Variants in CALN1 observed in about 807,000 individuals in gnomAD.
CALN1 encodes calcium-binding protein 8.
Under a neutral mutation model 30.6 loss-of-function variants are expected in CALN1, and 17 were observed. The observed-to-expected ratio is 0.56, with a 90% CI of 0.38 to 0.83. The LOEUF is 0.83. Among genes scored for constraint, CALN1 ranks in the 40% least tolerant of loss-of-function variants. CALN1 has a pLI of 0.00. For missense variants in CALN1, 291 were observed against 354.9 expected, an observed-to-expected ratio of 0.82 and a Z score of 1.45; for synonymous variants, 156 against 131.4, an observed-to-expected ratio of 1.19 and a Z score of -1.28.
intron 2 of CALN1, among the ~76,000 whole-genome samples, chr7:72,331,657 T>A (rs545544491): frequency 6.6e-6 from 1 of 152,210 alleles, no homozygotes; most frequent in Non-Finnish European, 1.5e-5. Flanking sequence ...TATTTACTTA[T>A]TCATTTTATT....
At chr7:72,231,180 C>T (rs920881265) in intron 3 of CALN1, among the ~76,000 whole-genome samples, 2 of 151,648 alleles carry the variant, frequency 1.3e-5, no homozygotes, top group African/African-American at 4.9e-5. Flanking sequence ...AGGTTTGTTA[C>T]ATAGGTAAAC....
rs530862668 is a variant in CALN1 at position 71,780,429 on chromosome 7, A to G, written c.*7346T>C. The G allele has an allele frequency of 1.3e-5, 2 of 152,324 alleles. No individual in the cohort carries two copies. The highest frequency in any genetic ancestry group is 4.1e-4 in the South Asian group (2 of 4,822). 9.4% of individuals were successfully genotyped at this position (152,324 alleles called of 1,614,324 possible). A position where few individuals can be genotyped will look rare whatever the true frequency, so the allele number is the denominator to read the frequency against. On this transcript the variant is annotated 3_prime_UTR_variant, in exon 7 of 7. Transcript: ENST00000395275. Reference sequence around the variant, plus strand: ...TCTAGGGTTTTATGTTGCCTGGGGCAGAAGGGTTAGAGACTTGTGGATCCT... The same window carrying G: ...TCTAGGGTTTTATGTTGCCTGGGGCGGAAGGGTTAGAGACTTGTGGATCCT...
intron 5 of CALN1, among the ~76,000 whole-genome samples, chr7:72,018,295 A>G (rs1800512338): frequency 6.6e-6 from 1 of 152,128 alleles, no homozygotes; most frequent in African/African-American, 2.4e-5. Flanking sequence ...GGCAGGTGCA[A>G]TTAACCTGCA....
intron 2 of CALN1, among the ~76,000 whole-genome samples, chr7:72,361,469 G>A (rs1366781099): frequency 2.0e-5 from 3 of 152,146 alleles, no homozygotes; most frequent in Admixed American, 1.3e-4. Flanking sequence ...TGGCACCACT[G>A]CACTCCAGCC....
At chr7:72,014,456 A>G (rs1800267479) in intron 5 of CALN1, among the ~76,000 whole-genome samples, 2 of 152,168 alleles carry the variant, frequency 1.3e-5, no homozygotes, top group South Asian at 2.1e-4. Flanking sequence ...TTCTGAGAAG[A>G]TAACTGTTAA....
At chr7:72,125,808 T>G (rs1278474610) in intron 3 of CALN1, among the ~76,000 whole-genome samples, 1 of 148,114 alleles carries the variant, frequency 6.8e-6, no homozygotes, top group African/African-American at 2.5e-5. Context: ...TCTTTTTTTT[T>G]TTTTTTTTTT....
At chr7:72,295,977 T>C (rs1798825993) in intron 2 of CALN1, among the ~76,000 whole-genome samples, 1 of 151,940 alleles carries the variant, frequency 6.6e-6, no homozygotes, top group African/African-American at 2.4e-5. Context: ...TTTTGCCCAT[T>C]CAGTATGATA....
intron 5 of CALN1, among the ~76,000 whole-genome samples, chr7:71,867,430 C>CTTAT (rs140397448): frequency 8.8e-4 from 132 of 150,834 alleles, no homozygotes; most frequent in South Asian, 1.7e-3. Flanking sequence ...TGCCTTTTTA[C>CTTAT]TTATTTATTT....
intron 3 of CALN1, among the ~76,000 whole-genome samples, chr7:72,153,911 G>A (rs1477625297): frequency 2.0e-5 from 3 of 152,070 alleles, no homozygotes; most frequent in African/African-American, 4.8e-5. Context: ...TGTGCCCAGT[G>A]CTCTTGACAT....
At chr7:72,019,844 T>C (rs1800604985) in intron 5 of CALN1, among the ~76,000 whole-genome samples, 1 of 152,184 alleles carries the variant, frequency 6.6e-6, no homozygotes, top group Non-Finnish European at 1.5e-5. Flanking sequence ...GCCCTAGATT[T>C]TGGTGTAATG....
At chr7:72,401,234 T>C (rs996192596) in intron 2 of CALN1, among the ~76,000 whole-genome samples, 11 of 152,154 alleles carry the variant, frequency 7.2e-5, no homozygotes, top group Admixed American at 7.2e-4. Flanking sequence ...CAGGAGGCAA[T>C]GCACTCTGAG....
chr7:71,830,827 G>T (rs998986291), intron 5 of CALN1, among the ~76,000 whole-genome samples: 11 of 152,176 alleles, frequency 7.2e-5, no homozygotes, highest in African/African-American at 2.7e-4. Context: ...TATGTGGATA[G>T]AACTCTTTTT....
chr7:72,432,565 T>C (rs539804446), intron 1 of CALN1, among the ~76,000 whole-genome samples: 1 of 152,284 alleles, frequency 6.6e-6, no homozygotes, highest in African/African-American at 2.4e-5. Context: ...ATGAATTTTG[T>C]CTCCTAACCT....
chr7:72,466,492 C>T, the CALN1 span, among the ~76,000 whole-genome samples: 2 of 152,102 alleles, frequency 1.3e-5, no homozygotes, highest in Admixed American at 1.3e-4. Flanking sequence ...ACCTGTAATC[C>T]CAGCACTTTG....
At chr7:72,128,947 A>T (rs1808954398) in intron 3 of CALN1, among the ~76,000 whole-genome samples, 1 of 152,216 alleles carries the variant, frequency 6.6e-6, no homozygotes. Context: ...AAACAAAGTA[A>T]ACATGTTTGT....
chr7:72,329,901 C>T lies in CALN1; in HGVS notation c.120-51091G>A, dbSNP rs200175249. 1.5e-4 allele frequency among the ~76,000 whole-genome samples: 23 copies of T among 152,242 alleles called. No individual in the cohort carries two copies. The East Asian group carries it at 4.4e-3, about 29-fold the overall frequency. On this transcript the variant is annotated intron_variant, in intron 2 of 6. Transcript: ENST00000395275. Reference sequence around the variant, plus strand: ...TCCTGGAGGCAGAGCTTGCAGTGAGCCGAGATCGCGCCACTGCATTCCAGC... The same window carrying T: ...TCCTGGAGGCAGAGCTTGCAGTGAGTCGAGATCGCGCCACTGCATTCCAGC...
chr7:71,907,775 C>A (rs951253250), intron 5 of CALN1, among the ~76,000 whole-genome samples: 5 of 152,222 alleles, frequency 3.3e-5, no homozygotes, highest in African/African-American at 9.6e-5. Context: ...GAAAACAATT[C>A]AATTCCCATT....
chr7:72,437,525 AGT>A (rs9297115), intron 1 of CALN1, among the ~76,000 whole-genome samples: 10 of 150,694 alleles, frequency 6.6e-5, no homozygotes, highest in Admixed American at 4.6e-4. Context: ...AGTTGTGTGG[AGT>A]GTGTGTGTGT....
intron 3 of CALN1, among the ~76,000 whole-genome samples, chr7:72,110,891 T>C (rs1475331815): frequency 1.3e-5 from 2 of 152,060 alleles, no homozygotes; most frequent in African/African-American, 2.4e-5. Context: ...CACGGAGACA[T>C]TGGAACAGGC....
Sources: allele counts gnomAD v4.1 joint callset (sites outside exome capture counted in the v4.1 genomes callset), GRCh38; gene constraint gnomAD v4.1.1; transcripts MANE v1.5; gene names NCBI Gene and HGNC (gene_info 2026-07-23, HGNC 2026-07-21).